CFAP46: variants seen among roughly 807,000 people sequenced by gnomAD.
The protein encoded by CFAP46 is cilia and flagella associated protein 46, also known as cilia- and flagella-associated protein 46.
CFAP46 carries 245 observed loss-of-function variants against 325.7 expected under a neutral mutation model. The observed-to-expected ratio is 0.75, with a 90% CI of 0.68 to 0.84. The LOEUF is 0.84. CFAP46 is among the 40% of genes least tolerant of loss of function. CFAP46 has a pLI of 0.00. For synonymous variants in CFAP46, 1,523 were observed against 1,495.9 expected, an observed-to-expected ratio of 1.02 and a Z score of -0.42; for missense variants, 3,346 against 3,543.0, an observed-to-expected ratio of 0.94 and a Z score of 1.41.
At chr10:132,865,022 C>G (rs1326213690) in intron 35 of CFAP46, among the ~76,000 whole-genome samples, 2 of 152,208 alleles carry the variant, frequency 1.3e-5, no homozygotes, top group Admixed American at 6.5e-5. Flanking sequence ...CTGAACCTCT[C>G]AAGGCTTTGA....
intron 17 of CFAP46, among the ~76,000 whole-genome samples, chr10:132,915,678 C>T (rs1318183921): frequency 6.6e-6 from 1 of 152,172 alleles, no homozygotes; most frequent in African/African-American, 2.4e-5. Context: ...TAGTCGGGGA[C>T]ACCCGAGCTT....
Position 132,845,941 on chromosome 10 carries a change from A to T in CFAP46, c.6438+116T>A, listed in dbSNP as rs971876861. 5 of 1,180,866 alleles carry T rather than the reference A, an allele frequency of 4.2e-6. No individual in the cohort carries two copies. In the African/African-American group the frequency reaches 7.7e-5, roughly 18 times the overall value. 73.1% of individuals were successfully genotyped at this position (1,180,866 alleles called of 1,614,324 possible). On this transcript the variant is annotated intron_variant, in intron 44 of 57. Coordinates refer to ENST00000368586, the MANE Select transcript of CFAP46 (RefSeq NM_001200049.3). The stretch of plus-strand genomic sequence containing the variant: ...CTGGGGGCACGGGGAGGGATGGCTC[A>T]TGAGCTGGGGGGTGAGCAAGGCTGC...
chr10:132,917,893 C>T (rs1416520480), intron 16 of CFAP46, among the ~76,000 whole-genome samples: 1 of 151,750 alleles, frequency 6.6e-6, no homozygotes, highest in African/African-American at 2.4e-5. Context: ...GCCCCAGTTC[C>T]AGGATGCACC....
At chr10:132,866,334 C>T (rs1054832319) in intron 34 of CFAP46, among the ~76,000 whole-genome samples, 163 bp from the exon 35 acceptor site, 4 of 152,194 alleles carry the variant, frequency 2.6e-5, no homozygotes, top group African/African-American at 2.4e-5. Context: ...GCAAGCTCCC[C>T]GTGTGCCCCA....
At chr10:132,892,893 G>GC (rs1015439720) in intron 24 of CFAP46, among the ~76,000 whole-genome samples, 3 of 152,048 alleles carry the variant, frequency 2.0e-5, no homozygotes, top group Admixed American at 2.0e-4. Context: ...GGCAGGAGAG[G>GC]CCCCCCGCCC....
intron 44 of CFAP46, among the ~76,000 whole-genome samples, chr10:132,843,595 TC>T (rs1848381165): frequency 7.9e-6 from 1 of 127,304 alleles, no homozygotes; most frequent in African/African-American, 3.0e-5. Context: ...CGGTGGGTGT[TC>T]CCAGGGTGCC....
At position 132,881,003 on chromosome 10, in the gene CFAP46, C is replaced by A; in HGVS notation, c.3657G>T (p.Glu1219Asp). ...GCCACTGGCCGAACTCCATGAGGTA[C>A]TCCACCTTCTGCCACTCCATCTCAG... ...QKPEMEWQKV[E>D]YLMEFGQWLH... is the part of the protein sequence containing the mutation. The change falls in exon 28 of 58, where the codon GAG becomes GAT. Residue 1219 changes from glutamate (E) to aspartate (D), a missense_variant. By Grantham distance (45) the Glu-to-Asp change is conservative. Coordinates refer to ENST00000368586, the MANE Select transcript of CFAP46 (RefSeq NM_001200049.3). The A allele has an allele frequency of 6.4e-7, 1 of 1,550,538 alleles. No homozygotes were observed. Among genetic ancestry groups the A allele is most frequent in the Admixed American group, 2.0e-5 (1 of 51,004 alleles).
intron 27 of CFAP46, among the ~76,000 whole-genome samples, chr10:132,882,518 G>A (rs755708713): frequency 1.3e-5 from 2 of 151,912 alleles, no homozygotes; most frequent in Non-Finnish European, 2.9e-5. Context: ...GAAGGATGGT[G>A]GGAAAAGCAA....
In CFAP46 at chr10:132,815,045, C is replaced by T. The variant is rs553501433; in HGVS notation, c.7118-131G>A. 721 of 855,968 alleles carry T rather than the reference C, an allele frequency of 8.4e-4. 2 individuals carry two copies. The highest frequency in any genetic ancestry group is 1.2e-3 in the Non-Finnish European group (618 of 532,180). 53.0% of individuals were successfully genotyped at this position (855,968 alleles called of 1,614,324 possible). Reference sequence around the variant, plus strand: ...AAAAAAAACAAGTTGTGAGAACAAGCGGTTTTAATTTGTGTAAAGTTGACG... The same window carrying T: ...AAAAAAAACAAGTTGTGAGAACAAGTGGTTTTAATTTGTGTAAAGTTGACG... On this transcript the variant is annotated intron_variant, in intron 50 of 57. Transcript: ENST00000368586.
At position 132,859,083 on chromosome 10, in the gene CFAP46, G is replaced by A. The variant is rs1413264655; in HGVS notation, c.5363C>T (p.Ala1788Val). 3.9e-6 allele frequency: 6 copies of A among 1,550,702 alleles called. No homozygotes were observed. Among genetic ancestry groups the A allele is most frequent in the South Asian group, 2.4e-5 (2 of 84,044 alleles). ...ENCVDVKLER[A>V]KIKRLRAQNE... ...GAGGCAGCCTTACCTCTTGATCTTCGCACGCTCTAGTTTTACGTCAACACA... is the reference window on the plus strand; with the variant it reads ...GAGGCAGCCTTACCTCTTGATCTTCACACGCTCTAGTTTTACGTCAACACA... The change falls in exon 38 of 58, where the codon GCG becomes GTG. Residue 1788 changes from alanine to valine, a missense_variant. Physicochemically the swap from Ala to Val is moderately conservative, Grantham distance 64. Transcript: ENST00000368586.
At position 132,924,946 on chromosome 10, in the gene CFAP46, C is replaced by T. The variant is rs12251550; in HGVS notation, c.1066-60G>A. Reference sequence around the variant, plus strand: ...GCTGGCTCGAGCTGCGGGGCTGGGGCGGCACCTGCGTGCAGGGCACACTGA... The same window carrying T: ...GCTGGCTCGAGCTGCGGGGCTGGGGTGGCACCTGCGTGCAGGGCACACTGA... On this transcript the variant is annotated intron_variant, in intron 10 of 57. Transcript: ENST00000368586. 294 of 1,330,490 alleles carry T rather than the reference C, an allele frequency of 2.2e-4. No homozygotes were observed. The African/African-American group carries it at 2.6e-3, about 12-fold the overall frequency. The allele number at this position is 1,330,490 out of a possible 1,614,324, so 82.4% of individuals were successfully genotyped here. A position where few individuals can be genotyped will look rare whatever the true frequency, so the allele number is the denominator to read the frequency against.
chr10:132,837,210 A>C (rs1848266375), intron 44 of CFAP46: 1 of 417,396 alleles, frequency 2.4e-6, no homozygotes, highest in African/African-American at 2.0e-5. Context: ...CACCAAACCC[A>C]AAATAACAAA....
chr10:132,941,462 C>T, intron 3 of CFAP46, 129 bp downstream of exon 3: 3 of 1,265,502 alleles, frequency 2.4e-6, no homozygotes, highest in Non-Finnish European at 3.3e-6. Context: ...AGTTTCGTGT[C>T]ACTCTGGAAA....
intron 35 of CFAP46, among the ~76,000 whole-genome samples, chr10:132,863,938 C>T (rs571536015): frequency 4.2e-5 from 6 of 144,372 alleles, no homozygotes; most frequent in Admixed American, 6.8e-5. Context: ...CCTCTCCCTG[C>T]GATCAGAGAC....
In CFAP46 at chr10:132,908,591, A is replaced by C. The variant is rs1021203063; in HGVS notation, c.2801T>G (p.Val934Gly). The part of the protein sequence containing the change: ...ASECNWSDPL[V>G]ELQTLTRLTH... Reference sequence around the variant, plus strand: ...CAGCCGCGTCAGGGTCTGCAGCTCCACCAGGGGGTCCGACCAGTTGCACTC... The same window carrying C: ...CAGCCGCGTCAGGGTCTGCAGCTCCCCCAGGGGGTCCGACCAGTTGCACTC... Residue 934 changes from valine (V) to glycine (G), a missense_variant, in exon 22 of 58, where the codon GTG becomes GGG. Transcript: ENST00000368586. 1 of 1,549,358 alleles carries C rather than the reference A, an allele frequency of 6.5e-7. No individual in the cohort carries two copies. The highest frequency in any genetic ancestry group is 8.7e-7 in the Non-Finnish European group (1 of 1,146,350).
intron 57 of CFAP46, among the ~76,000 whole-genome samples, chr10:132,810,003 G>A (rs564266084): frequency 1.3e-5 from 2 of 152,294 alleles, no homozygotes; most frequent in South Asian, 4.1e-4. Context: ...GCAAGCTGTC[G>A]GCCCCCTAGG....
In CFAP46 at chr10:132,847,363, T is replaced by A. The variant is rs530484057; in HGVS notation, c.5953-42A>T. On this transcript the variant is annotated intron_variant, in intron 41 of 57. Coordinates refer to ENST00000368586, the MANE Select transcript of CFAP46 (RefSeq NM_001200049.3). This position sits in a 1 kb window ranked among gnomAD's most constrained non-coding sequence, Gnocchi z 5.2. ...AGGTTGGCAGACACTTCTGGGTTCC[T>A]GCTTGGTCGGCGTGGGGAGGGCCCA... is the stretch of plus-strand genomic sequence containing the variant. The A allele has an allele frequency of 2.9e-5, 47 of 1,606,474 alleles. No homozygotes were observed. The highest frequency in any genetic ancestry group is 4.0e-5 in the Non-Finnish European group (47 of 1,175,006).
At chr10:132,881,442 G>T (rs1193578279) in intron 27 of CFAP46, among the ~76,000 whole-genome samples, 1 of 152,196 alleles carries the variant, frequency 6.6e-6, no homozygotes, top group Non-Finnish European at 1.5e-5. Flanking sequence ...TGGAAAGGAG[G>T]CCTCTGCAGG....
intron 44 of CFAP46, among the ~76,000 whole-genome samples, chr10:132,837,452 C>T (rs1249672412): frequency 1.3e-5 from 2 of 149,532 alleles, no homozygotes; most frequent in Admixed American, 6.6e-5. Context: ...CATAGACGTG[C>T]TCACGCGGAC....
Sources: allele counts gnomAD v4.1 joint callset (sites outside exome capture counted in the v4.1 genomes callset), GRCh38; gene constraint gnomAD v4.1.1; non-coding constraint Gnocchi (gnomAD v3.1); transcripts MANE v1.5; gene names NCBI Gene and HGNC (gene_info 2026-07-23, HGNC 2026-07-21).